PDZRN3: variants seen among roughly 807,000 people sequenced by gnomAD.
PDZRN3 encodes the protein E3 ubiquitin-protein ligase PDZRN3.
A neutral mutation model predicts 85.7 loss-of-function variants in PDZRN3; 38 were observed. The ratio of observed to expected loss-of-function variants is 0.44; its 90% CI spans 0.34 to 0.58. The LOEUF (loss-of-function observed/expected upper bound fraction) is 0.58. PDZRN3 is among the 20% of genes least tolerant of loss of function. The probability of loss-of-function intolerance (pLI) is 0.01; values close to 1 mark genes in which losing one functional copy is unlikely to be tolerated. For synonymous variants in PDZRN3, 759 were observed against 638.0 expected, an observed-to-expected ratio of 1.19 and a Z score of -2.86; for missense variants, 1,629 against 1,506.4, an observed-to-expected ratio of 1.08 and a Z score of -1.35.
At chr3:73,442,697 A>T (rs965127861) in intron 3 of PDZRN3, among the ~76,000 whole-genome samples, 13 of 146,626 alleles carry the variant, frequency 8.9e-5, no homozygotes, top group Admixed American at 2.0e-4. Flanking sequence ...AAATGTGTGG[A>T]TTTTTTTTTT....
intron 3 of PDZRN3, among the ~76,000 whole-genome samples, chr3:73,541,866 C>T (rs1704929615): frequency 6.6e-6 from 1 of 152,072 alleles, no homozygotes; most frequent in Non-Finnish European, 1.5e-5. Flanking sequence ...TTCCAATTTT[C>T]TCATACTATG....
chr3:73,423,884 C>T (rs1575643298), intron 3 of PDZRN3, among the ~76,000 whole-genome samples: 1 of 152,092 alleles, frequency 6.6e-6, no homozygotes, highest in African/African-American at 2.4e-5. Context: ...TTCTAAGATA[C>T]ACGTATGGAA....
chr3:73,549,802 T>C (rs1701509865), intron 3 of PDZRN3, among the ~76,000 whole-genome samples: 1 of 152,230 alleles, frequency 6.6e-6, no homozygotes, highest in African/African-American at 2.4e-5. Context: ...CCATATTTCA[T>C]GCTGCCCAGG....
At chr3:73,433,859 G>A (rs1314119743) in intron 3 of PDZRN3, 6 of 1,439,900 alleles carry the variant, frequency 4.2e-6, no homozygotes, top group Non-Finnish European at 5.4e-6. Flanking sequence ...TCAGAGGCTA[G>A]ACAACAACTC....
Position 73,532,223 on chromosome 3 carries a change from G to A in PDZRN3, c.918+70131C>T, listed in dbSNP as rs75395605. Among the ~76,000 whole-genome samples, 8 of 151,934 alleles carry A rather than the reference G, an allele frequency of 5.3e-5. No homozygotes were observed. The East Asian group carries it at 7.8e-4, about 15-fold the overall frequency. Reference sequence around the variant, plus strand: ...GGTTTCACCGTGTTAGGATGGTCTCGATCTCCTGACCTCGTGATCCACCCA... The same window carrying A: ...GGTTTCACCGTGTTAGGATGGTCTCAATCTCCTGACCTCGTGATCCACCCA... On this transcript the variant is annotated intron_variant, in intron 3 of 9. Transcript: ENST00000263666.
chr3:73,449,033 G>C (rs1174300783), intron 3 of PDZRN3, among the ~76,000 whole-genome samples: 2 of 152,132 alleles, frequency 1.3e-5, no homozygotes, highest in African/African-American at 4.8e-5. Flanking sequence ...GTTTCTTTGA[G>C]TTTCATTTTA....
chr3:73,415,848 TAC>T (rs1223010052), intron 3 of PDZRN3, among the ~76,000 whole-genome samples: 1 of 152,196 alleles, frequency 6.6e-6, no homozygotes. Flanking sequence ...AAGTGATTAC[TAC>T]AGTCAAGCAA....
At chr3:73,519,705 T>C (rs184314521) in intron 3 of PDZRN3, among the ~76,000 whole-genome samples, 59 of 152,304 alleles carry the variant, frequency 3.9e-4, no homozygotes, top group East Asian at 2.3e-3. Context: ...GCTATGGCTA[T>C]GCCAGTGGTT....
intron 3 of PDZRN3, among the ~76,000 whole-genome samples, chr3:73,554,879 C>A (rs1251813538): frequency 6.6e-6 from 1 of 152,208 alleles, no homozygotes; most frequent in Non-Finnish European, 1.5e-5. Context: ...CAATTCTGTT[C>A]TAGGTGACTT....
intron 3 of PDZRN3, among the ~76,000 whole-genome samples, chr3:73,439,479 C>T (rs1702591995): frequency 6.6e-6 from 1 of 152,172 alleles, no homozygotes; most frequent in South Asian, 2.1e-4. Context: ...CACTCGTGAA[C>T]CCTCATCCTT....
At chr3:73,560,785 T>C (rs1701799484) in intron 3 of PDZRN3, among the ~76,000 whole-genome samples, 1 of 152,224 alleles carries the variant, frequency 6.6e-6, no homozygotes, top group African/African-American at 2.4e-5. Flanking sequence ...GCCTCATTCA[T>C]GATCCAGAAA....
intron 3 of PDZRN3, among the ~76,000 whole-genome samples, chr3:73,562,998 TA>T (rs1701857164): frequency 3.1e-5 from 1 of 32,544 alleles, no homozygotes; most frequent in Admixed American, 3.9e-4. Flanking sequence ...TATATATATA[TA>T]TATATATATA....
intron 3 of PDZRN3, among the ~76,000 whole-genome samples, chr3:73,460,084 T>C (rs1232803537): frequency 6.6e-6 from 1 of 152,216 alleles, no homozygotes; most frequent in Admixed American, 6.5e-5. Context: ...AAAATATACA[T>C]ATATAATGTA....
chr3:73,521,323 T>C (rs1243815511), intron 3 of PDZRN3, among the ~76,000 whole-genome samples: 1 of 152,104 alleles, frequency 6.6e-6, no homozygotes, highest in Non-Finnish European at 1.5e-5. Flanking sequence ...TCTGAGGAGC[T>C]GAGATCAGCT....
chr3:73,430,381 TG>T (rs1485028637), intron 3 of PDZRN3, among the ~76,000 whole-genome samples: 1 of 152,210 alleles, frequency 6.6e-6, no homozygotes, highest in Non-Finnish European at 1.5e-5. Context: ...ATTTCTAGTT[TG>T]AAGCTTAACT....
intron 3 of PDZRN3, among the ~76,000 whole-genome samples, chr3:73,410,657 G>C (rs988073929): frequency 1.3e-5 from 2 of 152,096 alleles, no homozygotes; most frequent in Non-Finnish European, 2.9e-5. Flanking sequence ...ATTCTTTACT[G>C]TTTTCCTAAA....
intron 2 of PDZRN3, 38 bp from the exon 3 acceptor site, chr3:73,602,499 C>A (rs1373595023): frequency 4.8e-6 from 5 of 1,031,128 alleles, no homozygotes; most frequent in Non-Finnish European, 7.6e-6. Flanking sequence ...GAATGCTAGG[C>A]ATTAAGTTGA....
intron 3 of PDZRN3, among the ~76,000 whole-genome samples, chr3:73,532,440 G>T: frequency 6.6e-6 from 1 of 152,174 alleles, no homozygotes; most frequent in East Asian, 1.9e-4. Context: ...CTCCAGCTTT[G>T]CAAACATAAA....
chr3:73,606,899 T>G (rs1702608136), intron 2 of PDZRN3, among the ~76,000 whole-genome samples: 1 of 152,256 alleles, frequency 6.6e-6, no homozygotes, highest in Non-Finnish European at 1.5e-5. Context: ...TCCCTTCAAC[T>G]GAAGCCATGT....
Sources: allele counts gnomAD v4.1 joint callset (sites outside exome capture counted in the v4.1 genomes callset), GRCh38; gene constraint gnomAD v4.1.1; transcripts MANE v1.5; gene names NCBI Gene and HGNC (gene_info 2026-07-23, HGNC 2026-07-21).